DNAH14: variants seen among roughly 807,000 people sequenced by gnomAD.
DNAH14 encodes the protein axonemal beta dynein heavy chain 14.
A neutral mutation model predicts 520.9 loss-of-function variants in DNAH14; 478 were observed. The observed-to-expected ratio is 0.92, with a 90% CI of 0.85 to 0.99. The LOEUF (loss-of-function observed/expected upper bound fraction) is 0.99. Ranked by LOEUF, DNAH14 falls within the 50% of genes least tolerant of loss-of-function variation. The pLI is 0.00. For missense variants in DNAH14, 4,831 were observed against 5,234.5 expected (o/e 0.92, Z 2.38); for synonymous variants, 1,581 against 1,757.2 (o/e 0.90, Z 2.51).
Position 225,119,302 on chromosome 1 carries a change from C to A in DNAH14, c.4166+8C>A. The A allele has an allele frequency of 6.7e-7, 1 of 1,501,046 alleles. No homozygotes were observed. 93.0% of individuals were successfully genotyped at this position (1,501,046 alleles called of 1,614,324 possible). ...GTTCGATGTGCTAAAAAAGTAAGTA[C>A]AATTTTCAAATCCTAAAATTATATA... is the stretch of plus-strand genomic sequence containing the variant. On this transcript the variant is annotated splice_region_variant and intron_variant, in intron 26 of 85. Transcript: ENST00000682510.
At chr1:225,139,228 A>C (rs762975033) in intron 27 of DNAH14, among the ~76,000 whole-genome samples, 7 of 152,244 alleles carry the variant, frequency 4.6e-5, no homozygotes, top group Non-Finnish European at 8.8e-5. Context: ...AATTATAATG[A>C]ATCAATCTGC....
chr1:225,065,482 A>G (rs2070758459), intron 17 of DNAH14, among the ~76,000 whole-genome samples: 2 of 150,794 alleles, frequency 1.3e-5, no homozygotes, highest in Admixed American at 1.3e-4. Context: ...TACTCCTCCC[A>G]TCTGAGGCTT....
At chr1:225,314,661 G>A (rs577531177) in intron 60 of DNAH14, among the ~76,000 whole-genome samples, 1 of 152,262 alleles carries the variant, frequency 6.6e-6, no homozygotes. Context: ...GCATTTGCTT[G>A]TCTGTAAAGG....
chr1:224,932,266 G>A (rs1038922687), intron 1 of DNAH14, among the ~76,000 whole-genome samples: 2 of 152,018 alleles, frequency 1.3e-5, no homozygotes, highest in Non-Finnish European at 2.9e-5. Flanking sequence ...TTTAAGAAAT[G>A]TCTATGCTTG....
intron 23 of DNAH14, among the ~76,000 whole-genome samples, chr1:225,105,978 C>CCTTG (rs537587272): frequency 9.6e-6 from 1 of 104,486 alleles, no homozygotes; most frequent in Non-Finnish European, 1.8e-5. Flanking sequence ...TTTCTTCCTG[C>CCTTG]ATGGTCTTTA....
intron 8 of DNAH14, among the ~76,000 whole-genome samples, chr1:224,986,354 A>G (rs12562917): frequency 0.055 from 8,254 of 151,266 alleles, 457 homozygotes; most frequent in East Asian, 0.23. Context: ...CTACAGGCCA[A>G]TATCCCTAAA....
At chr1:225,140,653 A>T in intron 27 of DNAH14, 115 bp from the exon 28 acceptor site, 1 of 861,476 alleles carries the variant, frequency 1.2e-6, no homozygotes, top group Non-Finnish European at 1.7e-6. Context: ...ACAAACACTT[A>T]CATACACACC....
intron 69 of DNAH14, among the ~76,000 whole-genome samples, chr1:225,344,071 T>G (rs777350469): frequency 3.3e-5 from 5 of 152,228 alleles, no homozygotes; most frequent in Non-Finnish European, 7.3e-5. Context: ...CATTTGTTCC[T>G]TGTAGTAGAG....
At position 225,275,565 on chromosome 1, in the gene DNAH14, G is replaced by C. The variant is rs146126743; in HGVS notation, c.8011-349G>C. ...AACTAAGGGAAGATTCTTTTTCTCA[G>C]ACTGTTGCTGGAACTACAAGATATT... On this transcript the variant is annotated intron_variant, in intron 52 of 85. Coordinates refer to ENST00000682510, the MANE Select transcript of DNAH14 (RefSeq NM_001367479.1). Among the ~76,000 whole-genome samples, 10 of 152,280 alleles carry C rather than the reference G, an allele frequency of 6.6e-5. 1 individual carries two copies. In the East Asian group the frequency reaches 1.9e-3, roughly 29 times the overall value.
chr1:225,004,326 G>A (rs2063999390), intron 9 of DNAH14, among the ~76,000 whole-genome samples: 2 of 152,072 alleles, frequency 1.3e-5, no homozygotes, highest in Admixed American at 1.3e-4. Flanking sequence ...ATGTTTACTG[G>A]CAAATAATAC....
intron 10 of DNAH14, among the ~76,000 whole-genome samples, chr1:225,008,735 T>C (rs1215732935): frequency 1.3e-5 from 2 of 152,124 alleles, no homozygotes; most frequent in Non-Finnish European, 2.9e-5. Flanking sequence ...GTTTCCTGAC[T>C]TTTTAATGAT....
chr1:225,344,467 A>T (rs2150409063), intron 69 of DNAH14, among the ~76,000 whole-genome samples: 1 of 152,290 alleles, frequency 6.6e-6, no homozygotes, highest in African/African-American at 2.4e-5. Context: ...CTTATAAATG[A>T]AAATATGCAG....
chr1:225,092,370 A>G (rs2074474924), intron 21 of DNAH14, among the ~76,000 whole-genome samples: 1 of 152,168 alleles, frequency 6.6e-6, no homozygotes, highest in African/African-American at 2.4e-5. Flanking sequence ...AATCAATACT[A>G]AGAAAATTTC....
chr1:225,147,642 A>G (rs1406165323), intron 31 of DNAH14, among the ~76,000 whole-genome samples: 1 of 152,156 alleles, frequency 6.6e-6, no homozygotes, highest in Non-Finnish European at 1.5e-5. Flanking sequence ...ACATTTTTTA[A>G]ACCTTTCTTT....
intron 22 of DNAH14, among the ~76,000 whole-genome samples, chr1:225,099,669 T>C (rs3105570): frequency 0.069 from 10,494 of 152,092 alleles, 575 homozygotes; most frequent in East Asian, 0.23. Context: ...CACCCAAAAA[T>C]GGCAGAACAA....
chr1:225,306,634 C>T (rs1323501030), intron 58 of DNAH14, among the ~76,000 whole-genome samples: 1 of 152,104 alleles, frequency 6.6e-6, no homozygotes, highest in Non-Finnish European at 1.5e-5. Flanking sequence ...CAGTCATTCA[C>T]CCCTTTTCCA....
intron 1 of DNAH14, among the ~76,000 whole-genome samples, chr1:224,937,123 A>G (rs1228518418): frequency 6.6e-6 from 1 of 151,768 alleles, no homozygotes. Flanking sequence ...GGAAAAATTG[A>G]AGGCTTTTCC....
intron 1 of DNAH14, among the ~76,000 whole-genome samples, chr1:224,936,822 A>G (rs1350675376): frequency 6.6e-6 from 1 of 152,006 alleles, no homozygotes; most frequent in East Asian, 1.9e-4. Flanking sequence ...ATTCTCAACA[A>G]AATTCTAGCA....
chr1:225,052,724 C>T (rs781367578), intron 17 of DNAH14, among the ~76,000 whole-genome samples: 3 of 152,044 alleles, frequency 2.0e-5, no homozygotes, highest in Non-Finnish European at 2.9e-5. Context: ...TGGGGGATGG[C>T]GTGGAAACAC....
Sources: gnomAD v4.1 joint callset for allele counts (sites outside exome capture counted in the v4.1 genomes callset) on GRCh38, gnomAD v4.1.1 for gene constraint, MANE v1.5 for transcripts, NCBI Gene and HGNC (gene_info 2026-07-23, HGNC 2026-07-21) for gene names.